Variants in NAALADL2 observed in about 807,000 individuals in gnomAD.
NAALADL2 encodes N-acetylated alpha-linked acidic dipeptidase like 2.
NAALADL2 carries 76 observed loss-of-function variants against 87.2 expected under a neutral mutation model. The ratio of observed to expected loss-of-function variants is 0.87; its 90% CI spans 0.72 to 1.05. NAALADL2 has a LOEUF of 1.05. Among genes scored for constraint, NAALADL2 ranks in the 50% least tolerant of loss-of-function variants. NAALADL2 has a pLI of 0.00. For missense variants in NAALADL2, 1,089 were observed against 945.8 expected, an observed-to-expected ratio of 1.15 and a Z score of -1.99; for synonymous variants, 354 against 331.0, an observed-to-expected ratio of 1.07 and a Z score of -0.75.
chr3:174,476,927 C>G (rs187145603), intron 1 of NAALADL2, among the ~76,000 whole-genome samples: 1 of 152,026 alleles, frequency 6.6e-6, no homozygotes, highest in Non-Finnish European at 1.5e-5. Flanking sequence ...AAGGGAAGTG[C>G]GAAAGATTCA....
intron 1 of NAALADL2, among the ~76,000 whole-genome samples, chr3:174,890,717 C>T (rs1398074292): frequency 7.2e-5 from 11 of 152,104 alleles, no homozygotes; most frequent in Admixed American, 7.2e-4. Context: ...TTAACATATG[C>T]ATAATATCAG....
At chr3:174,450,380 G>A (rs946580609) in intron 1 of NAALADL2, among the ~76,000 whole-genome samples, 22 of 152,246 alleles carry the variant, frequency 1.4e-4, no homozygotes, top group Admixed American at 4.6e-4. Context: ...ATAGGGAGGC[G>A]CAAGGAAGAG....
At chr3:174,460,381 G>A (rs1716137395) in intron 1 of NAALADL2, among the ~76,000 whole-genome samples, 1 of 151,880 alleles carries the variant, frequency 6.6e-6, no homozygotes, top group South Asian at 2.1e-4. Flanking sequence ...GACGTTTATT[G>A]TGTCATTTTT....
chr3:175,180,615 G>T (rs898266273), intron 2 of NAALADL2, among the ~76,000 whole-genome samples: 1 of 151,792 alleles, frequency 6.6e-6, no homozygotes, highest in South Asian at 2.1e-4. Flanking sequence ...GAAGGAGATC[G>T]AAATTTTAAA....
intron 1 of NAALADL2, among the ~76,000 whole-genome samples, chr3:175,085,688 G>T (rs752923375): frequency 6.6e-6 from 1 of 152,156 alleles, no homozygotes; most frequent in Non-Finnish European, 1.5e-5. Flanking sequence ...ACTTTGGGAG[G>T]CCTAGCAGAT....
At chr3:175,005,168 T>A (rs766857967) in intron 1 of NAALADL2, among the ~76,000 whole-genome samples, 20 of 152,198 alleles carry the variant, frequency 1.3e-4, no homozygotes, top group Non-Finnish European at 2.2e-4. Flanking sequence ...TTAAATCATT[T>A]AATATTCAGA....
At chr3:175,110,396 T>C (rs1334710814) in intron 2 of NAALADL2, among the ~76,000 whole-genome samples, 1 of 151,818 alleles carries the variant, frequency 6.6e-6, no homozygotes, top group African/African-American at 2.4e-5. Context: ...TAAACAAAGA[T>C]GTTAACATCA....
intron 1 of NAALADL2, among the ~76,000 whole-genome samples, chr3:174,868,803 T>G (rs2109592329): frequency 6.6e-6 from 1 of 152,246 alleles, no homozygotes; most frequent in Non-Finnish European, 1.5e-5. Context: ...TTGATGAAAA[T>G]GTCTAGGACT....
At chr3:175,665,605 C>A (rs1445040125) in intron 11 of NAALADL2, among the ~76,000 whole-genome samples, 1 of 152,040 alleles carries the variant, frequency 6.6e-6, no homozygotes, top group Non-Finnish European at 1.5e-5. Flanking sequence ...ATTAATAGCT[C>A]TCCAGTTCAT....
chr3:174,950,119 G>T lies in NAALADL2; in HGVS notation c.43+90669G>T, dbSNP rs574631254. 2.6e-5 allele frequency among the ~76,000 whole-genome samples: 4 copies of T among 152,210 alleles called. No homozygotes were observed. The South Asian group carries it at 8.3e-4, about 32-fold the overall frequency. ...GACAACAAAATAAAAATAAGAGACA[G>T]AGAATACCAAAGTTTAAAATATCTA... On this transcript the variant is annotated intron_variant, in intron 1 of 13. Coordinates refer to ENST00000454872, the MANE Select transcript of NAALADL2 (RefSeq NM_207015.3).
chr3:174,619,810 A>G (rs1203932313), intron 2 of NAALADL2, among the ~76,000 whole-genome samples: 2 of 151,952 alleles, frequency 1.3e-5, no homozygotes, highest in Admixed American at 1.3e-4. Flanking sequence ...CTTCCCACCA[A>G]TCCCAGATTT....
At chr3:174,877,336 T>A (rs887115865) in intron 1 of NAALADL2, among the ~76,000 whole-genome samples, 1 of 152,102 alleles carries the variant, frequency 6.6e-6, no homozygotes, top group African/African-American at 2.4e-5. Flanking sequence ...GGCCAGTGTA[T>A]CCTTAGGGAT....
Position 174,699,728 on chromosome 3 carries a change from C to T in NAALADL2, c.-114-37913C>T, listed in dbSNP as rs182748641. On this transcript the variant is annotated intron_variant, in intron 2 of 3. Transcript: ENST00000434257. Reference sequence around the variant, plus strand: ...TGGTATAAAATATTATTTTGTTGTTCCTGCTAACTTATGAGGTCTCGTTTT... The same window carrying T: ...TGGTATAAAATATTATTTTGTTGTTTCTGCTAACTTATGAGGTCTCGTTTT... 3.0e-4 allele frequency among the ~76,000 whole-genome samples: 45 copies of T among 151,722 alleles called. No homozygotes were observed. In the East Asian group the frequency reaches 3.9e-3, roughly 13 times the overall value.
At chr3:174,640,156 TG>T (rs1180820568) in intron 2 of NAALADL2, among the ~76,000 whole-genome samples, 4 of 152,212 alleles carry the variant, frequency 2.6e-5, no homozygotes, top group Non-Finnish European at 5.9e-5. Flanking sequence ...TTCTCAATCA[TG>T]GGTGCCCATC....
At chr3:175,354,907 T>C (rs1023056408) in intron 5 of NAALADL2, among the ~76,000 whole-genome samples, 11 of 147,360 alleles carry the variant, frequency 7.5e-5, no homozygotes, top group African/African-American at 2.3e-4. Flanking sequence ...CACACACATA[T>C]ACACACATAT....
intron 2 of NAALADL2, among the ~76,000 whole-genome samples, chr3:174,638,604 C>G (rs940204355): frequency 2.0e-5 from 3 of 151,480 alleles, no homozygotes; most frequent in African/African-American, 7.3e-5. Context: ...TTAAAAAAAA[C>G]TTGATAATAT....
At chr3:175,346,120 A>T (rs143816910) in intron 5 of NAALADL2, among the ~76,000 whole-genome samples, 1 of 152,208 alleles carries the variant, frequency 6.6e-6, no homozygotes, top group South Asian at 2.1e-4. Context: ...TTCTTATCTC[A>T]GTGTAATTGT....
chr3:174,852,378 A>G (rs1355528964), intron 3 of NAALADL2, among the ~76,000 whole-genome samples: 4 of 152,200 alleles, frequency 2.6e-5, no homozygotes, highest in African/African-American at 9.6e-5. Flanking sequence ...AAGTTTCAGG[A>G]CACGAAGTTA....
rs1016155040 is a variant in NAALADL2 at position 175,405,126 on chromosome 3, C to T, written c.1091-42103C>T. The stretch of plus-strand genomic sequence containing the variant: ...TTGATTCATTTTAAGCTGCACATGT[C>T]TATATTAGCAATAGAAGTAGTGTTC... On this transcript the variant is annotated intron_variant, in intron 5 of 13. Coordinates refer to ENST00000454872, the MANE Select transcript of NAALADL2 (RefSeq NM_207015.3). Among the ~76,000 whole-genome samples, 3 of 152,050 alleles carry T rather than the reference C, an allele frequency of 2.0e-5. No individual in the cohort carries two copies. The South Asian group carries it at 6.2e-4, about 32-fold the overall frequency.
Sources: gnomAD v4.1 joint callset for allele counts (sites outside exome capture counted in the v4.1 genomes callset) on GRCh38, gnomAD v4.1.1 for gene constraint, MANE v1.5 for transcripts, NCBI Gene and HGNC (gene_info 2026-07-23, HGNC 2026-07-21) for gene names.